The following RAB28 variants were observed in gnomAD, a reference collection of about 807,000 sequenced individuals.
The protein encoded by RAB28 is RAB28, member RAS oncogene family.
A neutral mutation model predicts 31.7 loss-of-function variants in RAB28; 24 were observed. That is an observed-to-expected ratio of 0.76 (90% CI 0.55 to 1.06). The LOEUF (loss-of-function observed/expected upper bound fraction) is 1.06, where lower values mean the gene tolerates loss of function less well. RAB28 is among the 50% of genes least tolerant of loss of function. The pLI, the probability that RAB28 is intolerant of heterozygous loss-of-function variation, is 0.00. For synonymous variants in RAB28, 100 were observed against 90.4 expected, an observed-to-expected ratio of 1.11 and a Z score of -0.60; for missense variants, 254 against 258.5, an observed-to-expected ratio of 0.98 and a Z score of 0.12.
intron 4 of RAB28, among the ~76,000 whole-genome samples, chr4:13,420,555 C>T (rs1260292057): frequency 1.3e-5 from 2 of 152,120 alleles, no homozygotes; most frequent in Non-Finnish European, 2.9e-5. Flanking sequence ...AAAGCTTATC[C>T]ACCAAGATCA....
intron 3 of RAB28, among the ~76,000 whole-genome samples, chr4:13,470,950 G>C (rs1358222463): frequency 6.6e-6 from 1 of 152,006 alleles, no homozygotes; most frequent in East Asian, 1.9e-4. Context: ...AGTTTTATTT[G>C]GATCCAAGTT....
At chr4:13,401,178 C>T (rs1474874867) in intron 4 of RAB28, among the ~76,000 whole-genome samples, 1 of 152,078 alleles carries the variant, frequency 6.6e-6, no homozygotes, top group African/African-American at 2.4e-5. Context: ...ACCAGTAAAA[C>T]CTTCTGGATC....
chr4:13,410,714 G>A (rs1384290809), intron 4 of RAB28, among the ~76,000 whole-genome samples: 1 of 152,074 alleles, frequency 6.6e-6, no homozygotes, highest in Non-Finnish European at 1.5e-5. Flanking sequence ...AACTGTGTGT[G>A]TGGTAGCGTT....
intron 2 of RAB28, among the ~76,000 whole-genome samples, chr4:13,476,422 A>G (rs189109391): frequency 2.4e-4 from 36 of 151,638 alleles, no homozygotes; most frequent in African/African-American, 8.7e-4. Context: ...AATAGCTATG[A>G]ATTACTGATA....
At chr4:13,380,404 T>C (rs1004954399) in intron 5 of RAB28, among the ~76,000 whole-genome samples, 1 of 152,180 alleles carries the variant, frequency 6.6e-6, no homozygotes, top group African/African-American at 2.4e-5. Context: ...TTGAAAAAAT[T>C]ATGATACATG....
At chr4:13,405,904 AT>A (rs1240860138) in intron 4 of RAB28, among the ~76,000 whole-genome samples, 3 of 152,192 alleles carry the variant, frequency 2.0e-5, no homozygotes, top group Admixed American at 6.5e-5. Flanking sequence ...TGTAAAAGTT[AT>A]TTTTTAAGTT....
intron 4 of RAB28, among the ~76,000 whole-genome samples, chr4:13,418,462 A>T (rs1053538457): frequency 2.6e-5 from 4 of 152,104 alleles, no homozygotes; most frequent in Admixed American, 6.5e-5. Flanking sequence ...CAGATTCACC[A>T]AGGTTGAAAT....
Position 13,479,536 on chromosome 4 carries a change from T to C in RAB28, c.76-10A>G. 1 of 1,523,744 alleles carries C rather than the reference T, an allele frequency of 6.6e-7. No individual in the cohort carries two copies. The highest frequency in any genetic ancestry group is 1.1e-5 in the South Asian group (1 of 87,392). The allele number at this position is 1,523,744 out of a possible 1,614,324, so 94.4% of individuals were successfully genotyped here. ...ACGTAGTTAAGGAGGTCTAAAAAAT[T>C]GATGCACAGAATGTCAAAATTAATT... is the stretch of plus-strand genomic sequence containing the variant. On this transcript the variant is annotated splice_polypyrimidine_tract_variant and intron_variant, in intron 1 of 6. Transcript: ENST00000330852.
chr4:13,413,778 A>G (rs1398407145), intron 4 of RAB28, among the ~76,000 whole-genome samples: 1 of 152,236 alleles, frequency 6.6e-6, no homozygotes, highest in Non-Finnish European at 1.5e-5. Context: ...AATGCCAAGT[A>G]TAACTTTATT....
At chr4:13,441,292 A>G (rs1714400588) in intron 4 of RAB28, among the ~76,000 whole-genome samples, 1 of 152,176 alleles carries the variant, frequency 6.6e-6, no homozygotes, top group African/African-American at 2.4e-5. Context: ...ATATTCAATC[A>G]TACACAAAGT....
intron 4 of RAB28, among the ~76,000 whole-genome samples, chr4:13,433,847 T>A (rs992201711): frequency 6.6e-6 from 1 of 151,702 alleles, no homozygotes; most frequent in Non-Finnish European, 1.5e-5. Context: ...TACCGAAAAA[T>A]ATATATATAT....
intron 2 of RAB28, 92 bp from the exon 3 acceptor site, chr4:13,474,498 A>C: frequency 1.4e-6 from 1 of 700,858 alleles, no homozygotes; most frequent in South Asian, 2.3e-5. Flanking sequence ...ATACTAAGTC[A>C]CAATAAGAAA....
chr4:13,479,381 G>T, intron 2 of RAB28, 49 bp downstream of exon 2: 2 of 1,373,736 alleles, frequency 1.5e-6, no homozygotes, highest in Non-Finnish European at 2.0e-6. Context: ...GCCACTTATT[G>T]TTAAGATTTT....
chr4:13,414,566 C>T (rs1302580251), intron 4 of RAB28, among the ~76,000 whole-genome samples: 1 of 152,204 alleles, frequency 6.6e-6, no homozygotes, highest in Non-Finnish European at 1.5e-5. Flanking sequence ...CAACCAACTA[C>T]AGTAAACAGA....
chr4:13,406,757 G>A (rs1712115640), intron 4 of RAB28, among the ~76,000 whole-genome samples: 1 of 152,244 alleles, frequency 6.6e-6, no homozygotes, highest in African/African-American at 2.4e-5. Context: ...GACCAGTGAT[G>A]AAGAGCTTTT....
At chr4:13,410,492 G>C (rs1355461962) in intron 4 of RAB28, among the ~76,000 whole-genome samples, 1 of 151,784 alleles carries the variant, frequency 6.6e-6, no homozygotes, top group Non-Finnish European at 1.5e-5. Context: ...AAATTTCTAA[G>C]GTAATAACTT....
intron 2 of RAB28, among the ~76,000 whole-genome samples, chr4:13,477,068 C>A (rs962803255): frequency 2.6e-5 from 4 of 151,418 alleles, no homozygotes; most frequent in Admixed American, 6.6e-5. Flanking sequence ...ACTTAGAAAT[C>A]TTTTTCACAG....
At chr4:13,478,377 A>G (rs1716460622) in intron 2 of RAB28, among the ~76,000 whole-genome samples, 1 of 151,552 alleles carries the variant, frequency 6.6e-6, no homozygotes, top group African/African-American at 2.4e-5. Context: ...TTTCACTGGT[A>G]GCCAAATACA....
intron 4 of RAB28, among the ~76,000 whole-genome samples, chr4:13,456,706 C>T (rs1577232177): frequency 6.6e-6 from 1 of 151,988 alleles, no homozygotes; most frequent in African/African-American, 2.4e-5. Flanking sequence ...AAATAGAACA[C>T]GGAATAATTC....
Sources: gnomAD v4.1 joint callset for allele counts (sites outside exome capture counted in the v4.1 genomes callset) on GRCh38, gnomAD v4.1.1 for gene constraint, MANE v1.5 for transcripts, NCBI Gene and HGNC (gene_info 2026-07-23, HGNC 2026-07-21) for gene names.